Variants in ABR observed in about 807,000 individuals in gnomAD.
The protein encoded by ABR is ABR activator of RhoGEF and GTPase.
In ABR, 35 loss-of-function variants were observed where a neutral mutation model predicts 107.2. The ratio of observed to expected loss-of-function variants is 0.33; its 90% CI spans 0.25 to 0.43. The LOEUF is 0.43. Ranked by LOEUF, ABR falls within the 20% of genes least tolerant of loss-of-function variation. The probability of loss-of-function intolerance (pLI) is 1.00; values close to 1 mark genes in which losing one functional copy is unlikely to be tolerated. For synonymous variants in ABR, 498 were observed against 462.0 expected, an observed-to-expected ratio of 1.08 and a Z score of -1.00; for missense variants, 815 against 1,115.2, an observed-to-expected ratio of 0.73 and a Z score of 3.83.
chr17:1,129,168 T>C (rs943653636), intron 1 of ABR, among the ~76,000 whole-genome samples: 1 of 152,096 alleles, frequency 6.6e-6, no homozygotes, highest in Non-Finnish European at 1.5e-5. Context: ...CGTCACACAC[T>C]GGGGCCTGTT....
intron 2 of ABR, chr17:1,108,814 C>CCTCTCGGA (rs11281722): frequency 1.6e-6 from 2 of 1,227,398 alleles, no homozygotes; most frequent in African/African-American, 1.6e-5. Flanking sequence ...GGGCCGGGAC[C>CCTCTCGGA]CTCCGCCGAG....
chr17:1,122,570 G>A (rs549291924), intron 2 of ABR, among the ~76,000 whole-genome samples: 22 of 152,316 alleles, frequency 1.4e-4, no homozygotes, highest in Middle Eastern at 6.8e-3. Context: ...CTCTTCCTGA[G>A]CCTCGAGTCC....
intron 1 of ABR, among the ~76,000 whole-genome samples, chr17:1,175,592 C>T (rs2041890837): frequency 6.6e-6 from 1 of 152,156 alleles, no homozygotes; most frequent in African/African-American, 2.4e-5. Flanking sequence ...CTCCCATCAG[C>T]CCCAGGGCCC....
intron 9 of ABR, among the ~76,000 whole-genome samples, chr17:1,067,895 G>A (rs1252104971): frequency 6.6e-6 from 1 of 152,200 alleles, no homozygotes; most frequent in South Asian, 2.1e-4. Flanking sequence ...ACATGATCTA[G>A]TTCCAGGGAG....
chr17:1,046,382 C>T (rs1364434219), intron 16 of ABR, among the ~76,000 whole-genome samples: 3 of 151,716 alleles, frequency 2.0e-5, no homozygotes, highest in East Asian at 1.9e-4. Context: ...GTAATCCGCC[C>T]GCCTCGGCCT....
rs146769643 is a variant in ABR at position 1,148,049 on chromosome 17, C to T, written c.62-22682G>A. ...TGGTCAATGACCCACCCACTCTCCC[C>T]AGGCTGGTCAATGGGCCCACCCCAC... On this transcript the variant is annotated intron_variant, in intron 1 of 22. Transcript: ENST00000302538. The surrounding 1 kb of genome is among the most constrained non-coding windows in gnomAD (Gnocchi z 4.9). Among the ~76,000 whole-genome samples, 153 of 152,322 alleles carry T rather than the reference C, an allele frequency of 1.0e-3. 2 individuals are homozygous for T. The South Asian group carries it at 0.013, about 13-fold the overall frequency.
intron 16 of ABR, chr17:1,031,841 C>G: frequency 8.2e-7 from 1 of 1,223,500 alleles, no homozygotes; most frequent in Non-Finnish European, 1.0e-6. Context: ...CGGCTTTCCC[C>G]GCGCTCGCCT....
chr17:1,091,715 C>G lies in ABR; in HGVS notation c.481G>C (p.Val161Leu). The change falls in exon 4 of 23, where the codon GTG becomes CTG. Residue 161 changes from valine (V) to leucine (L), a missense_variant. Val to Leu is a conservative substitution (Grantham distance 32). Coordinates refer to ENST00000302538, the MANE Select transcript of ABR (RefSeq NM_021962.5). Reference sequence around the variant, plus strand: ...GTGACCTGGCTGTCCCACTGTTGCACCTTGGGGCACAGGTTGTCATAGAAC... The same window carrying G: ...GTGACCTGGCTGTCCCACTGTTGCAGCTTGGGGCACAGGTTGTCATAGAAC... ...KEFYDNLCPK[V>L]QQWDSQVTMG... The G allele has an allele frequency of 6.2e-6, 10 of 1,614,146 alleles. No homozygotes were observed. The highest frequency in any genetic ancestry group is 7.6e-6 in the Non-Finnish European group (9 of 1,180,028).
intron 2 of ABR, among the ~76,000 whole-genome samples, chr17:1,112,552 G>A (rs529185058): frequency 4.0e-5 from 6 of 148,566 alleles, no homozygotes; most frequent in African/African-American, 1.2e-4. Flanking sequence ...AGCTATGATC[G>A]CACCACTGCA....
intron 16 of ABR, among the ~76,000 whole-genome samples, chr17:1,028,134 AG>A (rs1401281471): frequency 1.3e-5 from 2 of 152,074 alleles, no homozygotes; most frequent in African/African-American, 4.8e-5. Flanking sequence ...TCTGTTGCCC[AG>A]GCTGGAGTGC....
At chr17:1,021,486 A>G (rs72812090) in intron 16 of ABR, among the ~76,000 whole-genome samples, 40,365 of 152,066 alleles carry the variant, frequency 0.27, 6,076 homozygotes, top group Non-Finnish European at 0.34. Flanking sequence ...TTTCCCTCAG[A>G]GGGGGTTGCA....
chr17:1,028,435 T>C (rs753943159), intron 16 of ABR, among the ~76,000 whole-genome samples: 2 of 152,134 alleles, frequency 1.3e-5, no homozygotes, highest in African/African-American at 4.8e-5. Context: ...GGCTTCTCCA[T>C]GTTGGCCAGG....
intron 1 of ABR, among the ~76,000 whole-genome samples, chr17:1,135,736 C>T (rs976478993): frequency 2.6e-5 from 4 of 152,074 alleles, no homozygotes; most frequent in Non-Finnish European, 5.9e-5. Context: ...ATCAGCTGGG[C>T]TTGGTGGCAG....
rs975763782 is a variant in ABR at position 1,100,735 on chromosome 17, C to A, written c.247G>T (p.Val83Leu). ...ATCTCCAGGCCTTTCCCTGCTTCCA[C>A]CTGCACAAACGCAAAGCACAGCCAA... Reference protein sequence around the residue: ...PTPPEGLAPGVEAGKGLEMRK... With the variant: ...PTPPEGLAPGLEAGKGLEMRK... Residue 83 changes from valine (V) to leucine (L), a missense_variant and splice_region_variant, in exon 3 of 23, where the codon GTG (valine) becomes TTG (leucine). By Grantham distance (32) the Val-to-Leu change is conservative. Coordinates refer to ENST00000302538, the MANE Select transcript of ABR (RefSeq NM_021962.5). 6.2e-7 allele frequency: 1 copy of A among 1,614,160 alleles called. No individual in the cohort carries two copies. The highest frequency in any genetic ancestry group is 8.5e-7 in the Non-Finnish European group (1 of 1,180,030).
intron 5 of ABR, among the ~76,000 whole-genome samples, chr17:1,082,631 A>G (rs1383786286): frequency 6.6e-6 from 1 of 152,192 alleles, no homozygotes; most frequent in Non-Finnish European, 1.5e-5. Flanking sequence ...ATGGGATGGC[A>G]GTCTTAGAGT....
At chr17:1,107,474 A>G (rs2151379350) in intron 2 of ABR, among the ~76,000 whole-genome samples, 1 of 152,352 alleles carries the variant, frequency 6.6e-6, no homozygotes, top group Middle Eastern at 3.4e-3. Flanking sequence ...TGAGCATCTG[A>G]GCAGAATGAA....
intron 2 of ABR, among the ~76,000 whole-genome samples, chr17:1,111,251 C>T (rs2038659927): frequency 6.6e-6 from 1 of 152,174 alleles, no homozygotes; most frequent in African/African-American, 2.4e-5. Context: ...AGACTGACGC[C>T]CACTTCTTCC....
chr17:1,104,808 C>T (rs1216215600), intron 2 of ABR, among the ~76,000 whole-genome samples: 2 of 152,176 alleles, frequency 1.3e-5, no homozygotes, highest in Admixed American at 6.5e-5. Flanking sequence ...GACCAAATTC[C>T]AGTGGCCCCT....
At chr17:1,067,922 T>C (rs2034888828) in intron 9 of ABR, among the ~76,000 whole-genome samples, 1 of 152,204 alleles carries the variant, frequency 6.6e-6, no homozygotes, top group Non-Finnish European at 1.5e-5. Flanking sequence ...CCTTTATTAT[T>C]ATTATTTTTT....
Sources: gnomAD v4.1 joint callset for allele counts (sites outside exome capture counted in the v4.1 genomes callset) on GRCh38, gnomAD v4.1.1 for gene constraint, Gnocchi (gnomAD v3.1) non-coding constraint, MANE v1.5 for transcripts, NCBI Gene and HGNC (gene_info 2026-07-23, HGNC 2026-07-21) for gene names.